SLC23A3: variants seen among roughly 807,000 people sequenced by gnomAD.
SLC23A3 encodes the protein E2-binding protein 3.
A neutral mutation model predicts 64.7 loss-of-function variants in SLC23A3; 41 were observed. The ratio of observed to expected loss-of-function variants is 0.63; its 90% CI spans 0.49 to 0.82. The LOEUF (loss-of-function observed/expected upper bound fraction) is 0.82, where lower values mean the gene tolerates loss of function less well. SLC23A3 is among the 40% of genes least tolerant of loss of function. SLC23A3 has a pLI of 0.00. For missense variants in SLC23A3, 647 were observed against 733.4 expected (o/e 0.88, Z 1.36); for synonymous variants, 281 against 306.8 (o/e 0.92, Z 0.88).
chr2:219,162,894 G>C (rs192803473), intron 10 of SLC23A3, among the ~76,000 whole-genome samples: 11 of 152,266 alleles, frequency 7.2e-5, no homozygotes, highest in Non-Finnish European at 1.5e-5. Flanking sequence ...AATGTCTCCA[G>C]ACATTGCCAA....
At chr2:219,166,767 C>T (rs1950009206) in intron 7 of SLC23A3, among the ~76,000 whole-genome samples, 1 of 152,076 alleles carries the variant, frequency 6.6e-6, no homozygotes, top group South Asian at 2.1e-4. Flanking sequence ...ATCCTTGCCT[C>T]AAGCAGTCTT....
Position 219,169,309 on chromosome 2 carries a change from A to G in SLC23A3, c.418T>C (p.Ser140Pro). 2 of 1,614,202 alleles carry G rather than the reference A, an allele frequency of 1.2e-6. No individual in the cohort carries two copies. Among genetic ancestry groups the G allele is most frequent in the Non-Finnish European group, 8.5e-7 (1 of 1,180,032 alleles). Residue 140 changes from serine (S) to proline (P), a missense_variant and splice_region_variant, in exon 3 of 12, where the codon TCC becomes CCC. Coordinates refer to ENST00000409878, the MANE Select transcript of SLC23A3 (RefSeq NM_001144889.2). This position sits in a 1 kb window ranked among gnomAD's most constrained non-coding sequence, Gnocchi z 4.5. ...CCCCTTGCCCTTGCTCTGTGCTCAC[A>G]GTTTCCAGGTGTCTGGATGGCCCGG... ...LPRAIQTPGN[S>P]SLMLHLCRGP...
chr2:219,164,351 A>G lies in SLC23A3; in HGVS notation c.1168-13T>C. On this transcript the variant is annotated splice_polypyrimidine_tract_variant and intron_variant, in intron 8 of 11. Coordinates refer to ENST00000409878, the MANE Select transcript of SLC23A3 (RefSeq NM_001144889.2). ...GCTGAGATCCAGCCTGCATGAAGAA[A>G]AGACACTGGAAAACACAGCCACTTC... 1 of 1,553,300 alleles carries G rather than the reference A, an allele frequency of 6.4e-7. No individual in the cohort carries two copies. The highest frequency in any genetic ancestry group is 8.8e-7 in the Non-Finnish European group (1 of 1,141,196).
In SLC23A3 at chr2:219,161,871, TA is replaced by T; in HGVS notation, c.*37del. Reference sequence around the variant, plus strand: ...AGCTGACTCTCCAGCAGATGAGAGTTAGGGCTAAATTAACCAGGGCAGAAGT... The same window carrying T: ...AGCTGACTCTCCAGCAGATGAGAGTTGGGCTAAATTAACCAGGGCAGAAGT... On this transcript the variant is annotated 3_prime_UTR_variant, in exon 12 of 12. Coordinates refer to ENST00000409878, the MANE Select transcript of SLC23A3 (RefSeq NM_001144889.2). 6.6e-7 allele frequency: 1 copy of T among 1,516,284 alleles called. No homozygotes were observed. Among genetic ancestry groups the T allele is most frequent in the Non-Finnish European group, 8.8e-7 (1 of 1,132,786 alleles). 93.9% of individuals were successfully genotyped at this position (1,516,284 alleles called of 1,614,324 possible). A position where few individuals can be genotyped will look rare whatever the true frequency, so the allele number is the denominator to read the frequency against.
chr2:219,164,297 G>A lies in SLC23A3; in HGVS notation c.1209C>T (p.Cys403=), dbSNP rs373810480. 6.0e-5 allele frequency: 96 copies of A among 1,608,752 alleles called. No individual in the cohort carries two copies. Among genetic ancestry groups the A allele is most frequent in the Middle Eastern group, 3.3e-4 (2 of 6,046 alleles). The change falls in exon 9 of 12, where the codon TGC becomes TGT. Residue 403 remains cysteine (C), a synonymous_variant. Coordinates refer to ENST00000409878, the MANE Select transcript of SLC23A3 (RefSeq NM_001144889.2). The part of the protein sequence containing the change: ...QQVAHLVGLL[C]VGLGLSPRLA... ...ACCTGGGGGAGAGTCCAAGCCCCAC[G>A]CAGAGTAGCCCCACTAAGTGAGCCA...
rs1403326863 is a variant in SLC23A3 at position 219,169,212 on chromosome 2, C to T, written c.418+97G>A. 3 of 1,610,198 alleles carry T rather than the reference C, an allele frequency of 1.9e-6. No individual in the cohort carries two copies. Among genetic ancestry groups the T allele is most frequent in the Admixed American group, 3.3e-5 (2 of 59,930 alleles). ...CAAGCCCCCTATAGTGTCACAGTCTCACCACTGCCCAATCTCAATTCTGCA... is the reference window on the plus strand; with the variant it reads ...CAAGCCCCCTATAGTGTCACAGTCTTACCACTGCCCAATCTCAATTCTGCA... On this transcript the variant is annotated intron_variant, in intron 3 of 11. Transcript: ENST00000409878. The surrounding 1 kb of genome is among the most constrained non-coding windows in gnomAD (Gnocchi z 4.5).
Position 219,162,025 on chromosome 2 carries a change from C to G in SLC23A3, c.1717G>C (p.Asp573His). The G allele has an allele frequency of 6.2e-7, 1 of 1,614,148 alleles. No individual in the cohort carries two copies. The highest frequency in any genetic ancestry group is 1.7e-5 in the Admixed American group (1 of 60,018). The change falls in exon 12 of 12, where the codon GAC becomes CAC. Residue 573 changes from aspartate to histidine, a missense_variant. Coordinates refer to ENST00000409878, the MANE Select transcript of SLC23A3 (RefSeq NM_001144889.2). ...PLHCLCPLPE[D>H]PGDEEGGSSE... ...GAGCCTCCTTCCTCATCCCCAGGGT[C>G]TTCAGGCAGTGGGCAGAGGCAGTGG...
Position 219,169,104 on chromosome 2 carries a change from T to C in SLC23A3, c.419-2A>G, listed in dbSNP as rs548029904. On this transcript the variant is annotated splice_acceptor_variant, in intron 3 of 11. Transcript: ENST00000409878. LOFTEE classifies it high-confidence loss of function. This position sits in a 1 kb window ranked among gnomAD's most constrained non-coding sequence, Gnocchi z 4.5. ...TACAAAGGTGCAGCATGAGGGAGGC[T>C]AGGAAAAGTTTGGGGCATGGAGAAG... 5 of 1,613,852 alleles carry C rather than the reference T, an allele frequency of 3.1e-6. No individual in the cohort carries two copies. Among genetic ancestry groups the C allele is most frequent in the Non-Finnish European group, 4.2e-6 (5 of 1,179,866 alleles).
At position 219,163,500 on chromosome 2, in the gene SLC23A3, G is replaced by A; in HGVS notation, c.1329C>T (p.Phe443=). 1 of 1,614,176 alleles carries A rather than the reference G, an allele frequency of 6.2e-7. No homozygotes were observed. ...GCCCAGAGTCTATGTCAGCCAGGTA[G>A]AAGCTGGAGAATCCAGCAGACAAAA... The part of the protein sequence containing the change: ...AVVLSAGFSS[F]YLADIDSGRN... Residue 443 remains phenylalanine (F), a synonymous_variant, in exon 10 of 12, where the codon TTC becomes TTT. Coordinates refer to ENST00000409878, the MANE Select transcript of SLC23A3 (RefSeq NM_001144889.2).
rs2106376471 is a variant in SLC23A3, at chr2:219,164,300, G to A, written c.1206C>T (p.Leu402=). The part of the protein sequence containing the change: ...SQQVAHLVGL[L]CVGLGLSPRL... ...TGGGGGAGAGTCCAAGCCCCACGCA[G>A]AGTAGCCCCACTAAGTGAGCCACTT... The change falls in exon 9 of 12, where the codon CTC becomes CTT. Residue 402 remains leucine (L), a synonymous_variant. Coordinates refer to ENST00000409878, the MANE Select transcript of SLC23A3 (RefSeq NM_001144889.2). 1.9e-6 allele frequency: 3 copies of A among 1,608,546 alleles called. No individual in the cohort carries two copies. The highest frequency in any genetic ancestry group is 1.7e-4 in the Middle Eastern group (1 of 6,048).
Position 219,165,231 on chromosome 2 carries a change from G to A in SLC23A3, c.1105C>T (p.Leu369=). ...GATGCAGTGCCCATGGGGCTTCCCAGCAGCCCGGCCAGCACACTGCCCAGC... is the reference window on the plus strand; with the variant it reads ...GATGCAGTGCCCATGGGGCTTCCCAACAGCCCGGCCAGCACACTGCCCAGC... ...EGLGSVLAGL[L]GSPMGTASSF... is the part of the protein sequence containing the mutation. Residue 369 remains leucine (L), a synonymous_variant, in exon 8 of 12, where the codon CTG becomes TTG. Coordinates refer to ENST00000409878, the MANE Select transcript of SLC23A3 (RefSeq NM_001144889.2). 1 of 1,551,706 alleles carries A rather than the reference G, an allele frequency of 6.4e-7. No individual in the cohort carries two copies.
At position 219,169,914 on chromosome 2, in the gene SLC23A3, G is replaced by T. The variant is rs541491009; in HGVS notation, c.71C>A (p.Pro24His). ...GGAGGGATTCTGGGGAGCAGGTGGAGGCAAGGGGGCCAGGGCATCCTGGGA... is the reference window on the plus strand; with the variant it reads ...GGAGGGATTCTGGGGAGCAGGTGGATGCAAGGGGGCCAGGGCATCCTGGGA... ...VGSQDALAPL[P>H]PPAPQNPSTH... Residue 24 changes from proline to histidine, a missense_variant, in exon 1 of 12, where the codon CCT becomes CAT. Physicochemically the swap from Pro to His is moderately conservative, Grantham distance 77. Transcript: ENST00000409878. This position sits in a 1 kb window ranked among gnomAD's most constrained non-coding sequence, Gnocchi z 4.5. 1 of 1,613,896 alleles carries T rather than the reference G, an allele frequency of 6.2e-7. No homozygotes were observed. The highest frequency in any genetic ancestry group is 8.5e-7 in the Non-Finnish European group (1 of 1,179,884).
chr2:219,165,281 C>A lies in SLC23A3; in HGVS notation c.1055G>T (p.Cys352Phe). 1 of 1,551,668 alleles carries A rather than the reference C, an allele frequency of 6.4e-7. No homozygotes were observed. Among genetic ancestry groups the A allele is most frequent in the African/African-American group, 1.4e-5 (1 of 73,186 alleles). ...CCCCTCCAGGCTCAGCCCTCGACTG[C>A]AGGCATGTGGAGGTGGGGGAGGCAA... ...LHLPPPPPHA[C>F]SRGLSLEGLG... The change falls in exon 8 of 12, where the codon TGC (cysteine) becomes TTC (phenylalanine). Residue 352 changes from cysteine (C) to phenylalanine (F), a missense_variant. Coordinates refer to ENST00000409878, the MANE Select transcript of SLC23A3 (RefSeq NM_001144889.2).
intron 4 of SLC23A3, 84 bp downstream of exon 4, chr2:219,168,945 G>A (rs1950033140): frequency 4.5e-6 from 7 of 1,551,604 alleles, no homozygotes; most frequent in Non-Finnish European, 6.2e-6. Flanking sequence ...CTTTCCAGGA[G>A]CATCTCAGTC....
At position 219,169,759 on chromosome 2, in the gene SLC23A3, A is replaced by G; in HGVS notation, c.162+64T>C. The G allele has an allele frequency of 1.9e-6, 3 of 1,610,132 alleles. No individual in the cohort carries two copies. Among genetic ancestry groups the G allele is most frequent in the Non-Finnish European group, 2.5e-6 (3 of 1,178,128 alleles). Reference sequence around the variant, plus strand: ...ACTTCCAGAGGCTTTCACATGCCACATCTACACCTACTTCCCCACACACAC... The same window carrying G: ...ACTTCCAGAGGCTTTCACATGCCACGTCTACACCTACTTCCCCACACACAC... On this transcript the variant is annotated intron_variant, in intron 1 of 11. Coordinates refer to ENST00000409878, the MANE Select transcript of SLC23A3 (RefSeq NM_001144889.2). This position sits in a 1 kb window ranked among gnomAD's most constrained non-coding sequence, Gnocchi z 4.5.
At position 219,164,305 on chromosome 2, in the gene SLC23A3, G is replaced by T. The variant is rs1276602989; in HGVS notation, c.1201C>A (p.Leu401Ile). ...GAGAGTCCAAGCCCCACGCAGAGTA[G>T]CCCCACTAAGTGAGCCACTTGCTGA... ...GSQQVAHLVG[L>I]LCVGLGLSPR... The change falls in exon 9 of 12, where the codon CTA becomes ATA. Residue 401 changes from leucine (L) to isoleucine (I), a missense_variant. By Grantham distance (5) the Leu-to-Ile change is conservative. Transcript: ENST00000409878. 6.2e-7 allele frequency: 1 copy of T among 1,607,058 alleles called. No individual in the cohort carries two copies. Among genetic ancestry groups the T allele is most frequent in the Non-Finnish European group, 8.5e-7 (1 of 1,176,862 alleles).
chr2:219,168,413 G>A (rs1950025708), intron 5 of SLC23A3, 95 bp from the exon 6 acceptor site: 3 of 1,395,816 alleles, frequency 2.1e-6, no homozygotes, highest in Non-Finnish European at 2.9e-6. Flanking sequence ...AGAGCGGGGG[G>A]TGATACCAGA....
In SLC23A3 at chr2:219,169,194, C is replaced by T. The variant is rs1950036305; in HGVS notation, c.419-92G>A. 3 of 1,607,126 alleles carry T rather than the reference C, an allele frequency of 1.9e-6. No homozygotes were observed. Among genetic ancestry groups the T allele is most frequent in the Non-Finnish European group, 2.6e-6 (3 of 1,174,738 alleles). ...CCACTCCTGGCACAGGTCCAAGCCCCCTATAGTGTCACAGTCTCACCACTG... is the reference window on the plus strand; with the variant it reads ...CCACTCCTGGCACAGGTCCAAGCCCTCTATAGTGTCACAGTCTCACCACTG... On this transcript the variant is annotated intron_variant, in intron 3 of 11. Transcript: ENST00000409878. This position sits in a 1 kb window ranked among gnomAD's most constrained non-coding sequence, Gnocchi z 4.5.
At chr2:219,165,872 G>A (rs1178007046) in intron 7 of SLC23A3, among the ~76,000 whole-genome samples, 47 of 152,144 alleles carry the variant, frequency 3.1e-4, no homozygotes, top group Admixed American at 2.9e-3. Flanking sequence ...AGTAGCTCAC[G>A]CCTGTAATCC....
Sources: allele counts gnomAD v4.1 joint callset (sites outside exome capture counted in the v4.1 genomes callset), GRCh38; gene constraint gnomAD v4.1.1; non-coding constraint Gnocchi (gnomAD v3.1); transcripts MANE v1.5; gene names NCBI Gene and HGNC (gene_info 2026-07-23, HGNC 2026-07-21).